RABGAP1L: variants seen among roughly 807,000 people sequenced by gnomAD.
The protein encoded by RABGAP1L is RAB GTPase activating protein 1 like.
A neutral mutation model predicts 137.7 loss-of-function variants in RABGAP1L; 63 were observed. That is an observed-to-expected ratio of 0.46 (90% CI 0.37 to 0.56). The LOEUF (loss-of-function observed/expected upper bound fraction) is 0.56, where lower values mean the gene tolerates loss of function less well. RABGAP1L is among the 20% of genes least tolerant of loss of function. The probability of loss-of-function intolerance (pLI) is 0.00; values close to 1 mark genes in which losing one functional copy is unlikely to be tolerated. For synonymous variants in RABGAP1L, 431 were observed against 433.7 expected, an observed-to-expected ratio of 0.99 and a Z score of 0.08; for missense variants, 1,095 against 1,244.0, an observed-to-expected ratio of 0.88 and a Z score of 1.80.
At chr1:174,177,438 C>T (rs1665980084) in intron 1 of RABGAP1L, among the ~76,000 whole-genome samples, 1 of 152,168 alleles carries the variant, frequency 6.6e-6, no homozygotes, top group African/African-American at 2.4e-5. Context: ...GTTGCCTATT[C>T]ACTCTGATGA....
chr1:174,673,127 T>C (rs1677312630), intron 14 of RABGAP1L, among the ~76,000 whole-genome samples: 1 of 152,092 alleles, frequency 6.6e-6, no homozygotes, highest in African/African-American at 2.4e-5. Flanking sequence ...CATACACCCA[T>C]AGCTCTAGAT....
At chr1:174,822,670 C>T (rs182774140) in intron 19 of RABGAP1L, among the ~76,000 whole-genome samples, 1 of 152,170 alleles carries the variant, frequency 6.6e-6, no homozygotes, top group African/African-American at 2.4e-5. Context: ...ATAGGGTTCA[C>T]GCTCCTATGA....
chr1:174,878,432 G>T (rs1653518158), intron 19 of RABGAP1L, among the ~76,000 whole-genome samples: 2 of 151,988 alleles, frequency 1.3e-5, no homozygotes, highest in Non-Finnish European at 2.9e-5. Flanking sequence ...CTCCATGTTG[G>T]TCAGGCTGGT....
At chr1:174,223,264 T>TAAAAAAAAAAAAAAAA (rs550034492) in intron 3 of RABGAP1L, among the ~76,000 whole-genome samples, 2 of 39,848 alleles carry the variant, frequency 5.0e-5, no homozygotes, top group African/African-American at 1.2e-4. Flanking sequence ...AGACTCTGTC[T>TAAAAAAAAAAAAAAAA]AAAAAAAAAA....
At chr1:174,829,171 C>A (rs1691861152) in intron 19 of RABGAP1L, among the ~76,000 whole-genome samples, 1 of 147,400 alleles carries the variant, frequency 6.8e-6, no homozygotes, top group Non-Finnish European at 1.5e-5. Context: ...ATCAAGGAGT[C>A]CATCTACTAT....
intron 13 of RABGAP1L, among the ~76,000 whole-genome samples, chr1:174,449,377 T>TTATATATATATATATATATATATATAA: frequency 6.6e-6 from 1 of 152,080 alleles, no homozygotes. Flanking sequence ...AAGGGAAGGA[T>TTATATATATATATATATATATATATAA]GTATAGAGGG....
At chr1:174,650,768 A>T (rs1572683501) in intron 14 of RABGAP1L, among the ~76,000 whole-genome samples, 1 of 148,026 alleles carries the variant, frequency 6.8e-6, no homozygotes, top group Non-Finnish European at 1.5e-5. Flanking sequence ...AATTTTGTTG[A>T]TCCTTTCAAA....
intron 20 of RABGAP1L, among the ~76,000 whole-genome samples, chr1:174,966,833 G>A (rs1220971672): frequency 6.6e-6 from 1 of 152,070 alleles, no homozygotes. Context: ...ATCCAATATG[G>A]TTTTGTGTAG....
chr1:174,909,288 A>T (rs1558220271), intron 19 of RABGAP1L, among the ~76,000 whole-genome samples: 1 of 152,012 alleles, frequency 6.6e-6, no homozygotes, highest in East Asian at 1.9e-4. Flanking sequence ...CAGTGTCATG[A>T]TCTCAGCTCA....
At chr1:174,813,065 G>A (rs979985617) in intron 19 of RABGAP1L, among the ~76,000 whole-genome samples, 2 of 152,206 alleles carry the variant, frequency 1.3e-5, no homozygotes, top group Non-Finnish European at 2.9e-5. Flanking sequence ...AGTGAAGCAG[G>A]GAGCTCTTGC....
chr1:174,413,340 C>G (rs1246557750), intron 13 of RABGAP1L, among the ~76,000 whole-genome samples: 1 of 152,064 alleles, frequency 6.6e-6, no homozygotes, highest in Non-Finnish European at 1.5e-5. Flanking sequence ...AGATATTTCT[C>G]TCTTATTTCC....
chr1:174,547,729 A>T, intron 13 of RABGAP1L: 1 of 930,740 alleles, frequency 1.1e-6, no homozygotes, highest in Non-Finnish European at 1.6e-6. Flanking sequence ...TTATCTGCAA[A>T]GTTTGGATAT....
At chr1:174,409,216 A>G (rs1649623643) in intron 13 of RABGAP1L, among the ~76,000 whole-genome samples, 1 of 152,210 alleles carries the variant, frequency 6.6e-6, no homozygotes, top group African/African-American at 2.4e-5. Context: ...TCATTTTAAT[A>G]TGGACATATG....
At chr1:174,233,498 G>A (rs2148516085) in intron 4 of RABGAP1L, among the ~76,000 whole-genome samples, 1 of 138,262 alleles carries the variant, frequency 7.2e-6, no homozygotes, top group South Asian at 2.2e-4. Context: ...TCCCACCTAT[G>A]AGTGAGAATA....
chr1:174,820,461 C>A (rs911376292), intron 19 of RABGAP1L, among the ~76,000 whole-genome samples: 9 of 152,142 alleles, frequency 5.9e-5, no homozygotes, highest in African/African-American at 2.2e-4. Context: ...GTTTCTGACA[C>A]TGGTACACCA....
chr1:174,197,406 A>AC (rs11421232), intron 1 of RABGAP1L, among the ~76,000 whole-genome samples: 44,490 of 151,728 alleles, frequency 0.29, 6,878 homozygotes, highest in African/African-American at 0.37. Context: ...GATCTTAATC[A>AC]TGATGGTCAG....
chr1:174,297,101 A>G (rs145936089), intron 10 of RABGAP1L, among the ~76,000 whole-genome samples: 17 of 152,312 alleles, frequency 1.1e-4, no homozygotes, highest in African/African-American at 3.6e-4. Flanking sequence ...ACTATATTGT[A>G]TTGAAGTGAG....
chr1:174,963,742 GTTTA>G (rs1669374476), intron 20 of RABGAP1L, among the ~76,000 whole-genome samples: 1 of 151,876 alleles, frequency 6.6e-6, no homozygotes, highest in African/African-American at 2.4e-5. Flanking sequence ...AACCACACCT[GTTTA>G]TTTATTTATA....
In RABGAP1L at chr1:174,573,211, CATA is replaced by C. The variant is rs534543470; in HGVS notation, c.1711-64163_1711-64161del. 1.0e-3 allele frequency among the ~76,000 whole-genome samples: 151 copies of C among 148,474 alleles called. 1 individual carries two copies. The highest frequency in any genetic ancestry group is 3.7e-3 in the African/African-American group (150 of 40,268). On this transcript the variant is annotated intron_variant, in intron 13 of 25. Coordinates refer to ENST00000681986, the MANE Select transcript of RABGAP1L (RefSeq NM_001366446.1). ...TATATGTGTGTGTATATATGTGTGA[CATA>C]TATACACACTATATATGTTTATATG...
Sources: gnomAD v4.1 joint callset for allele counts (sites outside exome capture counted in the v4.1 genomes callset) on GRCh38, gnomAD v4.1.1 for gene constraint, MANE v1.5 for transcripts, NCBI Gene and HGNC (gene_info 2026-07-23, HGNC 2026-07-21) for gene names.